Variants in RAPH1 observed in about 807,000 individuals in gnomAD.
RAPH1 encodes Ras association (RalGDS/AF-6) and pleckstrin homology domains 1.
RAPH1 carries 18 observed loss-of-function variants against 88.1 expected under a neutral mutation model. The observed-to-expected ratio is 0.20, with a 90% CI of 0.14 to 0.30. RAPH1 has a LOEUF of 0.30. Ranked by LOEUF, RAPH1 falls within the 10% of genes least tolerant of loss-of-function variation. The pLI, the probability that RAPH1 is intolerant of heterozygous loss-of-function variation, is 1.00. For missense variants in RAPH1, 1,448 were observed against 1,543.2 expected, an observed-to-expected ratio of 0.94 and a Z score of 1.03; for synonymous variants, 587 against 559.0, an observed-to-expected ratio of 1.05 and a Z score of -0.71.
At chr2:203,476,869 A>C (rs1194720874) in intron 4 of RAPH1, among the ~76,000 whole-genome samples, 1 of 152,214 alleles carries the variant, frequency 6.6e-6, no homozygotes, top group African/African-American at 2.4e-5. Flanking sequence ...TATATCAATT[A>C]TGCTACCACC....
intron 2 of RAPH1, among the ~76,000 whole-genome samples, chr2:203,492,287 AG>A (rs1490527211): frequency 6.6e-6 from 1 of 152,088 alleles, no homozygotes; most frequent in Non-Finnish European, 1.5e-5. Flanking sequence ...CTTTCCTCAA[AG>A]GGATTTGGTT....
chr2:203,457,333 CCCA>C (rs1276923223), intron 8 of RAPH1, among the ~76,000 whole-genome samples, 194 bp downstream of exon 8: 3 of 151,832 alleles, frequency 2.0e-5, no homozygotes, highest in Non-Finnish European at 4.4e-5. Flanking sequence ...ATTACAGGCG[CCCA>C]CCACCACGCC....
chr2:203,478,249 T>A (rs1687560267), intron 4 of RAPH1, among the ~76,000 whole-genome samples: 1 of 152,076 alleles, frequency 6.6e-6, no homozygotes, highest in African/African-American at 2.4e-5. Context: ...TTAGCTAGGA[T>A]GGTCTCAATC....
At chr2:203,528,995 A>ATTTTT (rs1559508240) in intron 1 of RAPH1, among the ~76,000 whole-genome samples, 1 of 79,538 alleles carries the variant, frequency 1.3e-5, no homozygotes, top group African/African-American at 6.8e-5. Flanking sequence ...ATATATATAT[A>ATTTTT]TATATATATA....
intron 13 of RAPH1, 98 bp downstream of exon 13, chr2:203,444,770 G>T: frequency 9.0e-7 from 1 of 1,111,330 alleles, no homozygotes; most frequent in Non-Finnish European, 1.3e-6. Context: ...ACTGAAATAA[G>T]GCCAAATAAG....
intron 12 of RAPH1, chr2:203,445,525 A>G (rs1394994293): frequency 6.5e-6 from 1 of 152,888 alleles, no homozygotes; most frequent in African/African-American, 2.4e-5. Context: ...TTTCCTAGGG[A>G]TTTAGGTATT....
rs1482396547 is a variant in RAPH1, at chr2:203,522,636, TCA to T, written c.-1+12473_-1+12474del. 2.0e-5 allele frequency among the ~76,000 whole-genome samples: 3 copies of T among 152,138 alleles called. No individual in the cohort carries two copies. The East Asian group carries it at 5.8e-4, about 29-fold the overall frequency. On this transcript the variant is annotated intron_variant, in intron 1 of 13. Transcript: ENST00000319170. ...CTTGAAAAGGGTTGGGTGCAGTGGCTCACACCTGTAATCCCAGCAGTTTGGAA... is the reference window on the plus strand; with the variant it reads ...CTTGAAAAGGGTTGGGTGCAGTGGCTCACCTGTAATCCCAGCAGTTTGGAA...
chr2:203,468,710 T>C (rs1212921114), intron 4 of RAPH1, among the ~76,000 whole-genome samples: 1 of 152,178 alleles, frequency 6.6e-6, no homozygotes, highest in Non-Finnish European at 1.5e-5. Context: ...TCAATAAATA[T>C]TGTTGAATTG....
Position 203,441,605 on chromosome 2 carries a change from A to G in RAPH1, c.1777-192T>C, listed in dbSNP as rs114456366. The G allele has an allele frequency of 3.0e-4, 407 of 1,345,732 alleles. 1 individual carries two copies. The African/African-American group carries it at 5.8e-3, about 19-fold the overall frequency. The allele number at this position is 1,345,732 out of a possible 1,614,324, so 83.4% of individuals were successfully genotyped here. On this transcript the variant is annotated intron_variant, in intron 13 of 13. Transcript: ENST00000319170. ...CTAAAATCTGATTGTGCGGGCAAGA[A>G]GGAAACAGAAAACTTGTTTTACCCC...
intron 7 of RAPH1, among the ~76,000 whole-genome samples, chr2:203,459,303 G>A (rs1030654466): frequency 2.0e-5 from 3 of 152,130 alleles, no homozygotes; most frequent in African/African-American, 7.2e-5. Context: ...CTTTAACACT[G>A]CTGCTATTTT....
intron 1 of RAPH1, among the ~76,000 whole-genome samples, chr2:203,519,023 T>C (rs1446009961): frequency 6.6e-6 from 1 of 152,098 alleles, no homozygotes; most frequent in Non-Finnish European, 1.5e-5. Context: ...AATTCCAAAA[T>C]AGAAAGCACA....
intron 9 of RAPH1, among the ~76,000 whole-genome samples, chr2:203,455,196 C>G (rs1423274702): frequency 1.3e-5 from 2 of 152,108 alleles, no homozygotes; most frequent in Admixed American, 1.3e-4. Flanking sequence ...CAAAAAACAA[C>G]AAATAAAACT....
chr2:203,533,015 T>C (rs1354465437), intron 1 of RAPH1, among the ~76,000 whole-genome samples: 3 of 152,180 alleles, frequency 2.0e-5, no homozygotes, highest in African/African-American at 4.8e-5. Flanking sequence ...GATGCCAATC[T>C]AGTAAGTATT....
intron 13 of RAPH1, 188 bp downstream of exon 13, chr2:203,444,680 C>T (rs1024306218): frequency 4.4e-6 from 2 of 452,416 alleles, no homozygotes; most frequent in Non-Finnish European, 7.6e-6. Context: ...TACTCATTTC[C>T]AAGGGGAAGT....
intron 4 of RAPH1, among the ~76,000 whole-genome samples, chr2:203,472,641 T>C (rs1030490465): frequency 1.3e-5 from 2 of 152,228 alleles, no homozygotes; most frequent in African/African-American, 4.8e-5. Context: ...TAAAAGTTAC[T>C]TTTTTAGAAA....
intron 1 of RAPH1, among the ~76,000 whole-genome samples, chr2:203,496,876 A>G (rs1406307640): frequency 6.6e-6 from 1 of 152,160 alleles, no homozygotes; most frequent in East Asian, 1.9e-4. Flanking sequence ...TGGTAGATCT[A>G]GGCAATATTT....
chr2:203,528,853 C>G (rs956611701), intron 1 of RAPH1, among the ~76,000 whole-genome samples: 5 of 149,654 alleles, frequency 3.3e-5, no homozygotes, highest in Admixed American at 1.3e-4. Context: ...ACCAAATGAG[C>G]CAAGAAATAA....
At chr2:203,490,223 T>C in intron 3 of RAPH1, 134 bp from the exon 4 acceptor site, 3 of 902,346 alleles carry the variant, frequency 3.3e-6, no homozygotes, top group Middle Eastern at 2.8e-4. Context: ...TTCTGGTTTT[T>C]GTTTTAAATT....
intron 4 of RAPH1, among the ~76,000 whole-genome samples, chr2:203,485,036 G>A (rs1383083268): frequency 6.6e-6 from 1 of 152,170 alleles, no homozygotes; most frequent in East Asian, 1.9e-4. Flanking sequence ...ATGGGAACCA[G>A]CAGTACCTTT....
Sources: allele counts gnomAD v4.1 joint callset (sites outside exome capture counted in the v4.1 genomes callset), GRCh38; gene constraint gnomAD v4.1.1; transcripts MANE v1.5; gene names NCBI Gene and HGNC (gene_info 2026-07-23, HGNC 2026-07-21).